Variants in CHRNA7 observed in about 807,000 individuals in gnomAD.
CHRNA7 encodes the protein cholinergic receptor nicotinic alpha 7 subunit, also known as neuronal acetylcholine receptor subunit alpha-7.
A neutral mutation model predicts 48.0 loss-of-function variants in CHRNA7; 17 were observed. The observed-to-expected ratio is 0.35, with a 90% CI of 0.24 to 0.53. The LOEUF is 0.53. Ranked by LOEUF, CHRNA7 falls within the 20% of genes least tolerant of loss-of-function variation. CHRNA7 has a pLI of 0.92. For synonymous variants in CHRNA7, 75 were observed against 242.3 expected (o/e 0.31, Z 6.41); for missense variants, 155 against 577.7 (o/e 0.27, Z 7.50).
At chr15:32,147,269 C>G (rs1196200623) in intron 4 of CHRNA7, among the ~76,000 whole-genome samples, 1 of 152,150 alleles carries the variant, frequency 6.6e-6, no homozygotes, top group African/African-American at 2.4e-5. Context: ...AGAAGGGGGC[C>G]AGGATTGAAA....
intron 4 of CHRNA7, among the ~76,000 whole-genome samples, chr15:32,113,280 C>T (rs979336701): frequency 1.3e-5 from 2 of 152,200 alleles, no homozygotes; most frequent in Non-Finnish European, 2.9e-5. Flanking sequence ...CCCTAGTCTC[C>T]TCTTCCTGTA....
Position 32,114,075 on chromosome 15 carries a change from T to TAC in CHRNA7, c.350+2180_350+2181dup, listed in dbSNP as rs35932128. On this transcript the variant is annotated intron_variant, in intron 4 of 9. Coordinates refer to ENST00000306901, the MANE Select transcript of CHRNA7 (RefSeq NM_000746.6). ...ATATATATATACATATATATATATATACACATACATACATACACACACACA... is the reference window on the plus strand; with the variant it reads ...ATATATATATACATATATATATATATACACACATACATACATACACACACACA... 8.3e-3 allele frequency among the ~76,000 whole-genome samples: 944 copies of TAC among 113,110 alleles called. 12 individuals are homozygous for TAC. The highest frequency in any genetic ancestry group is 0.021 in the Admixed American group (238 of 11,286). 74.2% of individuals were successfully genotyped at this position (113,110 alleles called of 152,430 possible).
At chr15:32,113,669 A>G (rs1391732705) in intron 4 of CHRNA7, among the ~76,000 whole-genome samples, 2 of 152,160 alleles carry the variant, frequency 1.3e-5, no homozygotes, top group Admixed American at 6.5e-5. Flanking sequence ...CACATTCCGT[A>G]AAGGCAGTTG....
chr15:32,048,558 C>CT (rs1189170261), intron 2 of CHRNA7, among the ~76,000 whole-genome samples: 1 of 152,046 alleles, frequency 6.6e-6, no homozygotes, highest in African/African-American at 2.4e-5. Flanking sequence ...ATTCTTCTCT[C>CT]TTTTTTTCTT....
At chr15:32,112,821 T>C (rs2050785474) in intron 4 of CHRNA7, among the ~76,000 whole-genome samples, 1 of 151,786 alleles carries the variant, frequency 6.6e-6, no homozygotes, top group African/African-American at 2.4e-5. Flanking sequence ...TGCTATTTCT[T>C]GTATGGACTT....
chr15:32,097,313 G>A lies in CHRNA7; in HGVS notation c.196-3990G>A, dbSNP rs188199621. Among the ~76,000 whole-genome samples the A allele has an allele frequency of 3.0e-3, 460 of 152,244 alleles. 2 individuals are homozygous for A. The highest frequency in any genetic ancestry group is 0.011 in the African/African-American group (437 of 41,548). ...ACCCACTTTCACAGTGCAATGGTCT[G>A]AATGTTTTTTTCCCCCACTAAATGC... On this transcript the variant is annotated intron_variant, in intron 2 of 9. Coordinates refer to ENST00000306901, the MANE Select transcript of CHRNA7 (RefSeq NM_000746.6).
chr15:32,066,376 GGT>G (rs1217555701), intron 2 of CHRNA7, among the ~76,000 whole-genome samples: 1 of 152,010 alleles, frequency 6.6e-6, no homozygotes, highest in Non-Finnish European at 1.5e-5. Flanking sequence ...CCACCTCCTG[GGT>G]TCAAGCCATT....
intron 9 of CHRNA7, chr15:32,165,974 T>G (rs1215638141): frequency 4.0e-5 from 6 of 151,898 alleles, no homozygotes; most frequent in African/African-American, 1.5e-4. Context: ...GCTCCCTGTG[T>G]GCACTGCTGC....
intron 3 of CHRNA7, among the ~76,000 whole-genome samples, chr15:32,104,102 A>G (rs1009693158): frequency 6.6e-6 from 1 of 152,092 alleles, no homozygotes; most frequent in Admixed American, 6.5e-5. Context: ...AGATCCCTCC[A>G]GGGGCTCCTG....
At chr15:32,081,365 A>T (rs2050212614) in intron 2 of CHRNA7, among the ~76,000 whole-genome samples, 1 of 152,120 alleles carries the variant, frequency 6.6e-6, no homozygotes, top group African/African-American at 2.4e-5. Context: ...AATTATTGGT[A>T]TGTTAGGGGC....
At chr15:32,053,081 A>G (rs775754631) in intron 2 of CHRNA7, among the ~76,000 whole-genome samples, 1 of 152,206 alleles carries the variant, frequency 6.6e-6, no homozygotes, top group Admixed American at 6.5e-5. Context: ...TTTGTCTCCT[A>G]AAACCTGAAG....
chr15:32,130,603 T>A (rs1302542143), intron 4 of CHRNA7, among the ~76,000 whole-genome samples: 3 of 151,118 alleles, frequency 2.0e-5, no homozygotes, highest in Admixed American at 2.0e-4. Flanking sequence ...AACTTTTTTT[T>A]AGAATTTCTT....
At chr15:32,057,026 A>G (rs2049798954) in intron 2 of CHRNA7, among the ~76,000 whole-genome samples, 1 of 152,200 alleles carries the variant, frequency 6.6e-6, no homozygotes, top group African/African-American at 2.4e-5. Flanking sequence ...CAAATTAGAT[A>G]ATCTGATTGG....
At chr15:32,137,056 A>G (rs1296597967) in intron 4 of CHRNA7, among the ~76,000 whole-genome samples, 1 of 150,128 alleles carries the variant, frequency 6.7e-6, no homozygotes, top group Non-Finnish European at 1.5e-5. Context: ...AGAAAAAAAA[A>G]AGAAAACAGG....
intron 2 of CHRNA7, among the ~76,000 whole-genome samples, chr15:32,053,429 C>A (rs6494181): frequency 0.99 from 151,493 of 152,328 alleles, 75,333 homozygotes; most frequent in East Asian, 1. Context: ...GCATCTTCTA[C>A]TTGCAGTTCC....
chr15:32,107,718 C>T (rs895996663), intron 3 of CHRNA7, among the ~76,000 whole-genome samples: 1 of 152,090 alleles, frequency 6.6e-6, no homozygotes, highest in African/African-American at 2.4e-5. Flanking sequence ...GGCCACCTTC[C>T]CTGCAAGTGG....
intron 2 of CHRNA7, among the ~76,000 whole-genome samples, chr15:32,049,171 G>T (rs1369500990): frequency 6.6e-6 from 1 of 151,874 alleles, no homozygotes; most frequent in Non-Finnish European, 1.5e-5. Flanking sequence ...TCTGCTTGGT[G>T]CAGAGCTGAG....
At chr15:32,066,109 T>C (rs2049961712) in intron 2 of CHRNA7, among the ~76,000 whole-genome samples, 1 of 152,264 alleles carries the variant, frequency 6.6e-6, no homozygotes, top group South Asian at 2.1e-4. Flanking sequence ...GAAGGAAATC[T>C]CAGTTTCCTA....
chr15:32,051,284 A>T (rs2049670183), intron 2 of CHRNA7, among the ~76,000 whole-genome samples: 1 of 151,922 alleles, frequency 6.6e-6, no homozygotes, highest in Non-Finnish European at 1.5e-5. Context: ...GGCCTCCTTG[A>T]GCTGTGGTGG....
Sources: gnomAD v4.1 joint callset for allele counts (sites outside exome capture counted in the v4.1 genomes callset) on GRCh38, gnomAD v4.1.1 for gene constraint, MANE v1.5 for transcripts, NCBI Gene and HGNC (gene_info 2026-07-23, HGNC 2026-07-21) for gene names.